HHIP: variants seen among roughly 807,000 people sequenced by gnomAD.
The protein encoded by HHIP is hedgehog-interacting protein.
A neutral mutation model predicts 74.0 loss-of-function variants in HHIP; 12 were observed. The observed-to-expected ratio is 0.16, with a 90% CI of 0.10 to 0.26. The LOEUF (loss-of-function observed/expected upper bound fraction) is 0.26, where lower values mean the gene tolerates loss of function less well. Ranked by LOEUF, HHIP falls within the 10% of genes least tolerant of loss-of-function variation. The pLI is 1.00. For missense variants in HHIP, 788 were observed against 845.0 expected (o/e 0.93, Z 0.84); for synonymous variants, 309 against 311.6 (o/e 0.99, Z 0.09).
chr4:144,706,906 C>A (rs1028586806), intron 5 of HHIP, among the ~76,000 whole-genome samples, 181 bp from the exon 6 acceptor site: 7 of 152,160 alleles, frequency 4.6e-5, no homozygotes, highest in African/African-American at 1.7e-4. Context: ...TAAAGGCTAC[C>A]TCTGAAACTT....
At chr4:144,675,194 TA>T (rs1407607327) in intron 4 of HHIP, among the ~76,000 whole-genome samples, 1 of 152,226 alleles carries the variant, frequency 6.6e-6, no homozygotes, top group African/African-American at 2.4e-5. Context: ...ATGACTGCTT[TA>T]GATAAAATTT....
chr4:144,723,960 T>C (rs185611431), intron 11 of HHIP, among the ~76,000 whole-genome samples: 5 of 152,358 alleles, frequency 3.3e-5, no homozygotes, highest in African/African-American at 1.2e-4. Context: ...CTATATTTTA[T>C]TATCAGTATA....
At chr4:144,674,099 T>C (rs1176996219) in intron 4 of HHIP, among the ~76,000 whole-genome samples, 4 of 152,218 alleles carry the variant, frequency 2.6e-5, no homozygotes, top group African/African-American at 9.6e-5. Context: ...AAAACAATTC[T>C]CTGTTTGGAA....
In HHIP at chr4:144,713,250, A is replaced by C. The variant is rs140568836; in HGVS notation, c.1424-975A>C. 7.9e-3 allele frequency among the ~76,000 whole-genome samples: 1,203 copies of C among 152,246 alleles called. 9 individuals carry two copies. The highest frequency in any genetic ancestry group is 0.013 in the Non-Finnish European group (894 of 67,976). ...ACAGAAAGATTAATTGTCACACAACACAAAGTGGCAGAGTCTGGATTTGAA... is the reference window on the plus strand; with the variant it reads ...ACAGAAAGATTAATTGTCACACAACCCAAAGTGGCAGAGTCTGGATTTGAA... On this transcript the variant is annotated intron_variant, in intron 8 of 12. Transcript: ENST00000296575.
At chr4:144,693,597 T>C (rs1729734943) in intron 4 of HHIP, among the ~76,000 whole-genome samples, 2 of 152,142 alleles carry the variant, frequency 1.3e-5, no homozygotes. Context: ...CTTTAAGAAA[T>C]TCAAGCCCTC....
intron 7 of HHIP, 74 bp downstream of exon 7, chr4:144,708,385 A>G (rs934439665): frequency 5.4e-6 from 8 of 1,487,538 alleles, no homozygotes; most frequent in African/African-American, 2.8e-5. Context: ...AATATAGCAT[A>G]GAGCATATAC....
chr4:144,656,805 T>A (rs1578677799), intron 2 of HHIP, among the ~76,000 whole-genome samples: 1 of 152,182 alleles, frequency 6.6e-6, no homozygotes, highest in Non-Finnish European at 1.5e-5. Context: ...TTTAGTTTTT[T>A]TTTTCTTTTT....
chr4:144,734,952 A>G, intron 12 of HHIP, 63 bp downstream of exon 12: 1 of 1,447,608 alleles, frequency 6.9e-7, no homozygotes, highest in South Asian at 1.3e-5. Context: ...GTACTCAAGA[A>G]CTCAACATTG....
intron 11 of HHIP, among the ~76,000 whole-genome samples, chr4:144,734,303 TG>T (rs1731046796): frequency 1.3e-5 from 2 of 152,046 alleles, no homozygotes; most frequent in Non-Finnish European, 2.9e-5. Flanking sequence ...CCTTCAGCCC[TG>T]TACTACTGCC....
At chr4:144,693,308 G>T (rs1230009056) in intron 4 of HHIP, among the ~76,000 whole-genome samples, 3 of 151,854 alleles carry the variant, frequency 2.0e-5, no homozygotes, top group African/African-American at 7.3e-5. Flanking sequence ...TCACTGTTTG[G>T]CTCTTCCCTT....
chr4:144,734,848 G>C lies in HHIP; in HGVS notation c.1868G>C (p.Cys623Ser). The change falls in exon 12 of 13, where the codon TGC becomes TCC. Residue 623 changes from cysteine (C) to serine (S), a missense_variant. This residue lies in a region of HHIP where 343 missense variants were observed against 347.9 expected (regional missense o/e 0.99). Transcript: ENST00000296575. ...GGCTACTGCACCCCCACGGGAAAGT[G>C]CTGCTGCAGTCCAGGCTGGGAGGGG... ...RNGYCTPTGK[C>S]CCSPGWEGDF... 6.2e-7 allele frequency: 1 copy of C among 1,612,966 alleles called. No individual in the cohort carries two copies. The highest frequency in any genetic ancestry group is 1.7e-4 in the Middle Eastern group (1 of 6,020).
chr4:144,716,175 C>T (rs1730440674), intron 10 of HHIP, among the ~76,000 whole-genome samples: 1 of 152,124 alleles, frequency 6.6e-6, no homozygotes, highest in South Asian at 2.1e-4. Context: ...CTCCTTTAGC[C>T]TCAGAGATAA....
intron 4 of HHIP, among the ~76,000 whole-genome samples, chr4:144,679,513 A>G (rs1729275516): frequency 1.3e-5 from 2 of 152,100 alleles, no homozygotes; most frequent in South Asian, 4.1e-4. Flanking sequence ...TAGGTCTTAC[A>G]TTTAAGTTTT....
At chr4:144,689,926 A>C (rs1165927884) in intron 4 of HHIP, among the ~76,000 whole-genome samples, 2 of 152,132 alleles carry the variant, frequency 1.3e-5, no homozygotes, top group Non-Finnish European at 2.9e-5. Context: ...CTCCTGCCTC[A>C]GCCTCCCAAG....
rs568416200 is a variant in HHIP at position 144,740,117 on chromosome 4, G to A, written c.*2160G>A. 5.3e-5 allele frequency: 8 copies of A among 152,140 alleles called. No homozygotes were observed. Among genetic ancestry groups the A allele is most frequent in the South Asian group, 2.1e-4 (1 of 4,824 alleles). 9.4% of individuals were successfully genotyped at this position (152,140 alleles called of 1,614,324 possible). A position where few individuals can be genotyped will look rare whatever the true frequency, so the allele number is the denominator to read the frequency against. On this transcript the variant is annotated 3_prime_UTR_variant, in exon 13 of 13. Coordinates refer to ENST00000296575, the MANE Select transcript of HHIP (RefSeq NM_022475.3). ...GCCAGCTGTCTAAATCTGTCAAATC[G>A]TGCAGTTTTATTACACATTCTCCAA...
intron 4 of HHIP, among the ~76,000 whole-genome samples, chr4:144,690,716 A>C (rs1287975720): frequency 6.6e-6 from 1 of 152,188 alleles, no homozygotes; most frequent in African/African-American, 2.4e-5. Context: ...TGATAAGAGT[A>C]AAAAAGTTTT....
intron 11 of HHIP, among the ~76,000 whole-genome samples, chr4:144,725,343 T>C (rs906308562): frequency 3.9e-5 from 6 of 152,218 alleles, no homozygotes; most frequent in African/African-American, 1.2e-4. Context: ...ATGAATGATA[T>C]ATGAACATCA....
At chr4:144,730,668 T>A (rs1454567106) in intron 11 of HHIP, among the ~76,000 whole-genome samples, 1 of 152,172 alleles carries the variant, frequency 6.6e-6, no homozygotes, top group Non-Finnish European at 1.5e-5. Flanking sequence ...TTAGATTCTA[T>A]CTAGGTGTGT....
Position 144,737,992 on chromosome 4 carries a change from G to T in HHIP, c.*35G>T. Reference sequence around the variant, plus strand: ...CTGTTTGAATATTCTATTCCAATGGGCATTTATTTTTTATCCTGTCATTAA... The same window carrying T: ...CTGTTTGAATATTCTATTCCAATGGTCATTTATTTTTTATCCTGTCATTAA... On this transcript the variant is annotated 3_prime_UTR_variant, in exon 13 of 13. Coordinates refer to ENST00000296575, the MANE Select transcript of HHIP (RefSeq NM_022475.3). 3 of 1,439,176 alleles carry T rather than the reference G, an allele frequency of 2.1e-6. No homozygotes were observed. Among genetic ancestry groups the T allele is most frequent in the South Asian group, 1.6e-5 (1 of 62,574 alleles). 89.2% of individuals were successfully genotyped at this position (1,439,176 alleles called of 1,614,324 possible).
Sources: gnomAD v4.1 joint callset for allele counts (sites outside exome capture counted in the v4.1 genomes callset) on GRCh38, gnomAD v4.1.1 for gene constraint, gnomAD v4.1.1 regional missense constraint, MANE v1.5 for transcripts, NCBI Gene and HGNC (gene_info 2026-07-23, HGNC 2026-07-21) for gene names.